BMP6: variants seen among roughly 807,000 people sequenced by gnomAD.
BMP6 encodes the protein bone morphogenetic protein 6.
In BMP6, 17 loss-of-function variants were observed where a neutral mutation model predicts 54.1. That is an observed-to-expected ratio of 0.31 (90% CI 0.22 to 0.47). The LOEUF (loss-of-function observed/expected upper bound fraction) is 0.47, where lower values mean the gene tolerates loss of function less well. Among genes scored for constraint, BMP6 ranks in the 20% least tolerant of loss-of-function variants. The pLI is 1.00. For synonymous variants in BMP6, 328 were observed against 291.2 expected (o/e 1.13, Z -1.28); for missense variants, 720 against 690.4 (o/e 1.04, Z -0.48).
chr6:7,880,060 G>A lies in BMP6; in HGVS notation c.1351G>A (p.Ala451Thr), dbSNP rs377711135. 5.2e-5 allele frequency: 84 copies of A among 1,614,018 alleles called. No homozygotes were observed. The highest frequency in any genetic ancestry group is 6.6e-5 in the Non-Finnish European group (78 of 1,180,042). The stretch of plus-strand genomic sequence containing the variant: ...TGGAGAATGCTCCTTCCCACTCAAC[G>A]CACACATGAATGCAACCAACCACGC... ...CDGECSFPLN[A>T]HMNATNHAIV... Residue 451 changes from alanine (A) to threonine (T), a missense_variant, in exon 6 of 7, where the codon GCA becomes ACA. Ala to Thr is a moderately conservative substitution (Grantham distance 58). This residue lies in a region of BMP6 where 27 missense variants were observed against 80.1 expected (regional missense o/e 0.34). Transcript: ENST00000283147.
At position 7,757,394 on chromosome 6, in the gene BMP6, T is replaced by C. The variant is rs531539616; in HGVS notation, c.664+29775T>C. ...AATCCTTGTCTTGTAGAAGCATCACTTCCATCTCTACCTCGGCCATCATAG... is the reference window on the plus strand; with the variant it reads ...AATCCTTGTCTTGTAGAAGCATCACCTCCATCTCTACCTCGGCCATCATAG... On this transcript the variant is annotated intron_variant, in intron 1 of 6. Transcript: ENST00000283147. Among the ~76,000 whole-genome samples the C allele has an allele frequency of 2.1e-4, 32 of 152,304 alleles. No individual in the cohort carries two copies. In the South Asian group the frequency reaches 5.6e-3, roughly 27 times the overall value.
chr6:7,880,171 T>C (rs768771334), intron 6 of BMP6, 23 bp from the exon 7 acceptor site: 2 of 1,614,028 alleles, frequency 1.2e-6, no homozygotes, highest in Admixed American at 3.3e-5. Flanking sequence ...TAAGGTACCT[T>C]CTCCCCTTCT....
chr6:7,795,545 AC>A (rs1440833038), intron 1 of BMP6, among the ~76,000 whole-genome samples: 21 of 152,140 alleles, frequency 1.4e-4, no homozygotes, highest in African/African-American at 4.3e-4. Context: ...CTTAGATTCA[AC>A]CCCACAGCTG....
At chr6:7,859,760 T>G (rs1259005872) in intron 2 of BMP6, among the ~76,000 whole-genome samples, 1 of 152,110 alleles carries the variant, frequency 6.6e-6, no homozygotes, top group Non-Finnish European at 1.5e-5. Flanking sequence ...CACATCCACA[T>G]CAGAGAGAGC....
intron 1 of BMP6, among the ~76,000 whole-genome samples, chr6:7,742,270 A>G (rs1158537340): frequency 6.6e-6 from 1 of 152,222 alleles, no homozygotes; most frequent in Non-Finnish European, 1.5e-5. Flanking sequence ...TATGACTTTA[A>G]TAAGTATGAA....
intron 3 of BMP6, among the ~76,000 whole-genome samples, 155 bp downstream of exon 3, chr6:7,861,754 A>G (rs1759339412): frequency 6.6e-6 from 1 of 152,194 alleles, no homozygotes; most frequent in South Asian, 2.1e-4. Flanking sequence ...TTGAGAACCA[A>G]AACCTTTCCC....
chr6:7,853,451 A>G (rs577186177), intron 2 of BMP6, among the ~76,000 whole-genome samples: 2 of 152,284 alleles, frequency 1.3e-5, no homozygotes, highest in South Asian at 2.1e-4. Context: ...AACATTACCT[A>G]TGGACTGATT....
At chr6:7,749,168 C>G (rs1757387284) in intron 1 of BMP6, among the ~76,000 whole-genome samples, 1 of 152,196 alleles carries the variant, frequency 6.6e-6, no homozygotes, top group South Asian at 2.1e-4. Context: ...GATCAGGATT[C>G]CACGTCACCA....
chr6:7,790,767 C>T (rs1758089719), intron 1 of BMP6, among the ~76,000 whole-genome samples: 1 of 152,136 alleles, frequency 6.6e-6, no homozygotes, highest in African/African-American at 2.4e-5. Flanking sequence ...CCAGTTCTCT[C>T]ACTCCATAGG....
intron 1 of BMP6, among the ~76,000 whole-genome samples, chr6:7,750,368 G>A (rs1757404466): frequency 6.6e-6 from 1 of 152,174 alleles, no homozygotes; most frequent in African/African-American, 2.4e-5. Context: ...TATGTTTGGG[G>A]GAGTATCAAT....
At chr6:7,815,170 T>C (rs1404809135) in intron 1 of BMP6, among the ~76,000 whole-genome samples, 1 of 152,194 alleles carries the variant, frequency 6.6e-6, no homozygotes, top group Non-Finnish European at 1.5e-5. Context: ...TGGTTTCTCT[T>C]ACCAAGCTAT....
chr6:7,740,463 A>G (rs909734626), intron 1 of BMP6, among the ~76,000 whole-genome samples: 3 of 152,210 alleles, frequency 2.0e-5, no homozygotes, highest in Admixed American at 6.5e-5. Context: ...AAAAAACCCA[A>G]AATATGTTCA....
intron 1 of BMP6, among the ~76,000 whole-genome samples, 196 bp downstream of exon 1, chr6:7,727,815 G>C (rs911127443): frequency 6.6e-6 from 1 of 151,360 alleles, no homozygotes; most frequent in Non-Finnish European, 1.5e-5. Context: ...CCCGCGCCGC[G>C]GGCAGGGCTG....
chr6:7,774,191 A>G (rs1757829456), intron 1 of BMP6, among the ~76,000 whole-genome samples: 1 of 152,238 alleles, frequency 6.6e-6, no homozygotes, highest in Non-Finnish European at 1.5e-5. Flanking sequence ...TGGCTCCCTC[A>G]GCCTGGTGGC....
At position 7,777,681 on chromosome 6, in the gene BMP6, T is replaced by TAAA. The variant is rs71542882; in HGVS notation, c.664+50072_664+50074dup. Among the ~76,000 whole-genome samples, 918 of 142,152 alleles carry TAAA rather than the reference T, an allele frequency of 6.5e-3. 8 individuals carry two copies. The highest frequency in any genetic ancestry group is 0.022 in the African/African-American group (870 of 38,982). 93.3% of individuals were successfully genotyped at this position (142,152 alleles called of 152,430 possible). On this transcript the variant is annotated intron_variant, in intron 1 of 6. Coordinates refer to ENST00000283147, the MANE Select transcript of BMP6 (RefSeq NM_001718.6). The stretch of plus-strand genomic sequence containing the variant: ...ACCTCTATCTTTCCGGCATCACTAA[T>TAAA]AAAAAAAAAAAAGGGAGAAAAAGCT...
intron 1 of BMP6, among the ~76,000 whole-genome samples, chr6:7,740,648 G>C (rs1357678493): frequency 6.6e-6 from 1 of 152,082 alleles, no homozygotes; most frequent in Non-Finnish European, 1.5e-5. Context: ...CCCTGACTCG[G>C]GGGATTTGGG....
intron 1 of BMP6, among the ~76,000 whole-genome samples, chr6:7,784,178 A>G (rs931582693): frequency 7.9e-5 from 12 of 152,204 alleles, no homozygotes; most frequent in African/African-American, 2.7e-4. Flanking sequence ...TGTATTTCAC[A>G]TAGGAACCAA....
intron 1 of BMP6, among the ~76,000 whole-genome samples, chr6:7,731,941 A>C (rs898515672): frequency 2.6e-5 from 4 of 152,234 alleles, no homozygotes; most frequent in African/African-American, 7.2e-5. Context: ...CAATTTAAAA[A>C]ACTCAAATTG....
intron 1 of BMP6, among the ~76,000 whole-genome samples, chr6:7,746,430 T>C (rs60700772): frequency 0.18 from 26,632 of 152,172 alleles, 2,747 homozygotes; most frequent in Middle Eastern, 0.35. Flanking sequence ...ATTTTTGCAA[T>C]TGTCTAGGTA....
Sources: allele counts gnomAD v4.1 joint callset (sites outside exome capture counted in the v4.1 genomes callset), GRCh38; gene constraint gnomAD v4.1.1; regional missense constraint gnomAD v4.1.1; transcripts MANE v1.5; gene names NCBI Gene and HGNC (gene_info 2026-07-23, HGNC 2026-07-21).